KHDRBS2: variants seen among roughly 807,000 people sequenced by gnomAD.
KHDRBS2 encodes KH RNA binding domain containing, signal transduction associated 2, also known as KH domain-containing, RNA-binding, signal transduction-associated protein 2.
In KHDRBS2, 26 loss-of-function variants were observed where a neutral mutation model predicts 44.3. The observed-to-expected ratio is 0.59, with a 90% CI of 0.43 to 0.81. KHDRBS2 has a LOEUF of 0.81. Ranked by LOEUF, KHDRBS2 falls within the 40% of genes least tolerant of loss-of-function variation. The probability of loss-of-function intolerance (pLI) is 0.00; values close to 1 mark genes in which losing one functional copy is unlikely to be tolerated. For synonymous variants in KHDRBS2, 194 were observed against 151.1 expected, an observed-to-expected ratio of 1.28 and a Z score of -2.08; for missense variants, 476 against 433.1, an observed-to-expected ratio of 1.10 and a Z score of -0.88.
intron 1 of KHDRBS2, among the ~76,000 whole-genome samples, chr6:62,183,251 C>T (rs577222374): frequency 2.7e-4 from 41 of 151,570 alleles, no homozygotes; most frequent in Admixed American, 5.3e-4. Flanking sequence ...CATGCACAAA[C>T]GCAGAAATCA....
At chr6:62,213,011 CAG>C (rs1484776480) in intron 1 of KHDRBS2, among the ~76,000 whole-genome samples, 1 of 151,900 alleles carries the variant, frequency 6.6e-6, no homozygotes, top group East Asian at 1.9e-4. Context: ...GACTTAAAGA[CAG>C]GGGAGAGTGT....
intron 2 of KHDRBS2, among the ~76,000 whole-genome samples, chr6:62,050,409 T>A (rs190590340): frequency 2.2e-5 from 3 of 139,344 alleles, no homozygotes; most frequent in Non-Finnish European, 4.6e-5. Flanking sequence ...ATTCTGCACA[T>A]GTATCCCAGA....
chr6:61,847,860 C>A (rs1638676014), intron 6 of KHDRBS2, among the ~76,000 whole-genome samples: 1 of 151,934 alleles, frequency 6.6e-6, no homozygotes, highest in Non-Finnish European at 1.5e-5. Flanking sequence ...GTAAATCAAT[C>A]AATTACATTT....
intron 3 of KHDRBS2, among the ~76,000 whole-genome samples, chr6:61,988,914 C>T (rs1775587443): frequency 3.3e-5 from 5 of 152,108 alleles, no homozygotes; most frequent in Admixed American, 3.3e-4. Context: ...GCCATTTAAA[C>T]ACATGTCAAC....
chr6:61,698,812 CT>C (rs1768222072), intron 7 of KHDRBS2, among the ~76,000 whole-genome samples: 1 of 151,944 alleles, frequency 6.6e-6, no homozygotes, highest in Non-Finnish European at 1.5e-5. Flanking sequence ...TTTTCATTTG[CT>C]GTTTCTCCTA....
At chr6:61,556,296 T>G in the KHDRBS2 span, among the ~76,000 whole-genome samples, 1 of 152,228 alleles carries the variant, frequency 6.6e-6, no homozygotes, top group African/African-American at 2.4e-5. Context: ...GCAATGGCAG[T>G]GCAGGGGTGG....
chr6:62,236,314 A>G (rs1833698493), intron 1 of KHDRBS2, among the ~76,000 whole-genome samples: 1 of 152,048 alleles, frequency 6.6e-6, no homozygotes, highest in African/African-American at 2.4e-5. Flanking sequence ...GTTTAATCTC[A>G]AAGTGTTATC....
chr6:61,665,856 G>A, the KHDRBS2 span, among the ~76,000 whole-genome samples: 1 of 150,664 alleles, frequency 6.6e-6, no homozygotes, highest in Non-Finnish European at 1.5e-5. Context: ...ATTAATAGAT[G>A]GTGCTTAGTT....
chr6:62,019,778 T>G (rs1404275784), intron 3 of KHDRBS2, among the ~76,000 whole-genome samples: 2 of 152,068 alleles, frequency 1.3e-5, no homozygotes, highest in African/African-American at 4.8e-5. Flanking sequence ...TCCATGGTAA[T>G]GTCATCTTTC....
intron 6 of KHDRBS2, among the ~76,000 whole-genome samples, chr6:61,868,788 C>T (rs1798162924): frequency 6.6e-6 from 1 of 152,174 alleles, no homozygotes; most frequent in Non-Finnish European, 1.5e-5. Context: ...GCTGCTCAGA[C>T]CCCTGCATTC....
chr6:61,632,306 C>G, the KHDRBS2 span, among the ~76,000 whole-genome samples: 1 of 151,794 alleles, frequency 6.6e-6, no homozygotes, highest in Non-Finnish European at 1.5e-5. Context: ...CTAGTAAACT[C>G]AAATAATTTA....
chr6:61,758,861 A>G (rs962603041), intron 6 of KHDRBS2, among the ~76,000 whole-genome samples: 6 of 152,158 alleles, frequency 3.9e-5, no homozygotes, highest in Non-Finnish European at 8.8e-5. Flanking sequence ...TTGAATCAAC[A>G]TACTCTCACA....
intron 1 of KHDRBS2, among the ~76,000 whole-genome samples, chr6:62,210,298 G>C (rs1329500470): frequency 6.8e-6 from 1 of 147,068 alleles, no homozygotes; most frequent in Non-Finnish European, 1.5e-5. Context: ...GCTGCTAAAG[G>C]AAAATAAAAG....
At chr6:62,235,960 G>A (rs2150162831) in intron 1 of KHDRBS2, among the ~76,000 whole-genome samples, 1 of 152,130 alleles carries the variant, frequency 6.6e-6, no homozygotes, top group East Asian at 1.9e-4. Context: ...TTTTATTCTG[G>A]AGGAGGAAAA....
intron 1 of KHDRBS2, among the ~76,000 whole-genome samples, chr6:62,231,016 T>C (rs1220505637): frequency 6.6e-6 from 1 of 152,230 alleles, no homozygotes; most frequent in Non-Finnish European, 1.5e-5. Context: ...ATTTGAGTTA[T>C]TAAACACATG....
intron 3 of KHDRBS2, among the ~76,000 whole-genome samples, chr6:62,015,039 A>G (rs1457449126): frequency 1.3e-5 from 2 of 152,202 alleles, no homozygotes; most frequent in East Asian, 1.9e-4. Flanking sequence ...AGGACAAATC[A>G]TAATCAGTAA....
chr6:62,008,847 A>G (rs1397123790), intron 3 of KHDRBS2, among the ~76,000 whole-genome samples: 2 of 152,116 alleles, frequency 1.3e-5, no homozygotes, highest in African/African-American at 4.8e-5. Flanking sequence ...CATGATTGTG[A>G]GGCCTCCCCA....
chr6:62,147,512 T>C (rs1205372891), intron 2 of KHDRBS2, among the ~76,000 whole-genome samples: 2 of 151,850 alleles, frequency 1.3e-5, no homozygotes, highest in Non-Finnish European at 2.9e-5. Flanking sequence ...TGCAGAGAGG[T>C]TGCAGCTGTA....
At chr6:61,781,584 G>A (rs1249601614) in intron 6 of KHDRBS2, among the ~76,000 whole-genome samples, 1 of 151,890 alleles carries the variant, frequency 6.6e-6, no homozygotes, top group Non-Finnish European at 1.5e-5. Flanking sequence ...TTTTCTCCCT[G>A]TTTATTTCAT....
Sources: allele counts gnomAD v4.1 joint callset (sites outside exome capture counted in the v4.1 genomes callset), GRCh38; gene constraint gnomAD v4.1.1; transcripts MANE v1.5; gene names NCBI Gene and HGNC (gene_info 2026-07-23, HGNC 2026-07-21).